The following SPTA1 variants were observed in gnomAD, a reference collection of about 807,000 sequenced individuals.
The protein encoded by SPTA1 is spectrin alpha, erythrocytic 1, also known as spectrin alpha chain, erythrocytic 1.
SPTA1 carries 177 observed loss-of-function variants against 324.7 expected under a neutral mutation model. The observed-to-expected ratio is 0.55, with a 90% CI of 0.48 to 0.62. SPTA1 has a LOEUF of 0.62. Among genes scored for constraint, SPTA1 ranks in the 20% least tolerant of loss-of-function variants. The probability of loss-of-function intolerance (pLI) is 0.00; values close to 1 mark genes in which losing one functional copy is unlikely to be tolerated. For synonymous variants in SPTA1, 1,195 were observed against 1,041.3 expected (o/e 1.15, Z -2.84); for missense variants, 3,162 against 2,883.6 (o/e 1.10, Z -2.21).
In SPTA1 at chr1:158,614,300, G is replaced by C. The variant is rs758023870; in HGVS notation, c.6795C>G (p.Ile2265Met). 1.3e-6 allele frequency: 2 copies of C among 1,571,248 alleles called. No individual in the cohort carries two copies. The highest frequency in any genetic ancestry group is 2.8e-5 in the African/African-American group (2 of 70,618). Residue 2265 changes from isoleucine (I) to methionine (M), a missense_variant, in exon 49 of 52, where the codon ATC becomes ATG. By Grantham distance (10) the Ile-to-Met change is conservative (BLOSUM62 1). Transcript: ENST00000643759. ...NLEQQIQAKD[I>M]KGVSEETLKE... ...TTAGAGTCTCTTCACTCACACCTTT[G>C]ATGTCCCTGAAAGAAAAAAAAAAAA...
chr1:158,650,271 C>T lies in SPTA1; in HGVS notation c.3478-324G>A, dbSNP rs542681944. 4.7e-4 allele frequency among the ~76,000 whole-genome samples: 71 copies of T among 152,246 alleles called. 1 individual carries two copies. The South Asian group carries it at 0.014, about 29-fold the overall frequency. ...TGTTGCCTTGGTAGTTAGAAGTGAT[C>T]ACATTTCTCTAAGACAAACAATTCT... On this transcript the variant is annotated intron_variant, in intron 24 of 51. Coordinates refer to ENST00000643759, the MANE Select transcript of SPTA1 (RefSeq NM_003126.4).
chr1:158,618,009 GCAA>G, intron 46 of SPTA1, 27 bp downstream of exon 46: 1 of 1,601,774 alleles, frequency 6.2e-7, no homozygotes. Context: ...ATATAATAAA[GCAA>G]ACATGATGAT....
intron 36 of SPTA1, among the ~76,000 whole-genome samples, chr1:158,637,793 G>T (rs1022276837): frequency 6.6e-6 from 1 of 152,168 alleles, no homozygotes; most frequent in Non-Finnish European, 1.5e-5. Context: ...TCTTAGTTTT[G>T]TTCCTGTCAT....
chr1:158,638,680 C>T (rs1651284267), intron 35 of SPTA1, among the ~76,000 whole-genome samples: 1 of 138,216 alleles, frequency 7.2e-6, no homozygotes, highest in Non-Finnish European at 1.5e-5. Context: ...GCCGGGCATG[C>T]TGGCGTGTGC....
intron 38 of SPTA1, 31 bp downstream of exon 38, chr1:158,635,882 A>G: frequency 6.2e-7 from 1 of 1,614,068 alleles, no homozygotes. Context: ...AAAATCCAGG[A>G]AGGGAACTGG....
Position 158,652,804 on chromosome 1 carries a change from T to G in SPTA1, c.3189-151A>C, listed in dbSNP as rs2101863380. Reference sequence around the variant, plus strand: ...TAGTAGAAGAGAGGAGGAAATAAACTTAGAAGGAAAACAGCCTTGGGGGCA... The same window carrying G: ...TAGTAGAAGAGAGGAGGAAATAAACGTAGAAGGAAAACAGCCTTGGGGGCA... On this transcript the variant is annotated intron_variant, in intron 22 of 51. Coordinates refer to ENST00000643759, the MANE Select transcript of SPTA1 (RefSeq NM_003126.4). 4 of 944,716 alleles carry G rather than the reference T, an allele frequency of 4.2e-6. No individual in the cohort carries two copies. The South Asian group carries it at 6.4e-5, about 15-fold the overall frequency. 58.5% of individuals were successfully genotyped at this position (944,716 alleles called of 1,614,324 possible).
intron 43 of SPTA1, among the ~76,000 whole-genome samples, chr1:158,621,552 T>G (rs1194270775): frequency 6.6e-6 from 1 of 152,154 alleles, no homozygotes; most frequent in Non-Finnish European, 1.5e-5. Flanking sequence ...TATCTTGTAA[T>G]CAGAAAATAA....
At chr1:158,615,090 G>A in intron 48 of SPTA1, 126 bp downstream of exon 48, 2 of 1,029,218 alleles carry the variant, frequency 1.9e-6, no homozygotes, top group East Asian at 2.4e-5. Context: ...GGGCAGTAAA[G>A]ACCCAGAATA....
intron 51 of SPTA1, 106 bp downstream of exon 51, chr1:158,612,711 A>T: frequency 7.4e-7 from 1 of 1,358,946 alleles, no homozygotes; most frequent in Non-Finnish European, 1.0e-6. Flanking sequence ...AGGTCTGAAA[A>T]AAAAAAACAA....
At chr1:158,637,471 C>CA (rs1026791038) in intron 36 of SPTA1, among the ~76,000 whole-genome samples, 2 of 152,146 alleles carry the variant, frequency 1.3e-5, no homozygotes, top group Middle Eastern at 3.4e-3. Context: ...TATTTTACAA[C>CA]AAAAATGGAA....
At position 158,614,275 on chromosome 1, in the gene SPTA1, T is replaced by C. The variant is rs1271799231; in HGVS notation, c.6820A>G (p.Lys2274Glu). The change falls in exon 49 of 52, where the codon AAG (lysine) becomes GAG (glutamate). Residue 2274 changes from lysine to glutamate, a missense_variant. By Grantham distance (56) the Lys-to-Glu change is moderately conservative. Coordinates refer to ENST00000643759, the MANE Select transcript of SPTA1 (RefSeq NM_003126.4). ...CACTTATAGATTGTGCTAAATTCCTTTAGAGTCTCTTCACTCACACCTTTG... is the reference window on the plus strand; with the variant it reads ...CACTTATAGATTGTGCTAAATTCCTCTAGAGTCTCTTCACTCACACCTTTG... ...DIKGVSEETL[K>E]EFSTIYKHFD... The C allele has an allele frequency of 6.2e-7, 1 of 1,600,666 alleles. No homozygotes were observed. The highest frequency in any genetic ancestry group is 1.3e-5 in the African/African-American group (1 of 74,534).
chr1:158,634,580 AC>A lies in SPTA1; in HGVS notation c.5527del (p.Val1843SerfsTer9). 6 of 1,614,142 alleles carry A rather than the reference AC, an allele frequency of 3.7e-6. No homozygotes were observed. Among genetic ancestry groups the A allele is most frequent in the Non-Finnish European group, 5.1e-6 (6 of 1,180,036 alleles). On this transcript the variant is annotated frameshift_variant, in exon 39 of 52. Transcript: ENST00000643759. LOFTEE classifies it high-confidence loss of function. ...TAATGTATCTCCACAATCTCCTCGG[AC>A]AGCCAAAGCATTCTTTTCATTGATC... ...AWINEKNALA[V>X]RGDCGDTLAA...
At chr1:158,670,683 T>C (rs1452728417) in intron 12 of SPTA1, among the ~76,000 whole-genome samples, 18 of 152,172 alleles carry the variant, frequency 1.2e-4, no homozygotes, top group Admixed American at 1.2e-3. Flanking sequence ...GAGTCCTGCC[T>C]TCACATTCAC....
chr1:158,611,445 C>T, intron 51 of SPTA1, 56 bp from the exon 52 acceptor site: 2 of 1,606,050 alleles, frequency 1.2e-6, no homozygotes, highest in South Asian at 2.2e-5. Flanking sequence ...TAGCTGGTTC[C>T]TTGGGGCTTC....
At chr1:158,674,076 G>A (rs920850038) in intron 10 of SPTA1, among the ~76,000 whole-genome samples, 2 of 152,068 alleles carry the variant, frequency 1.3e-5, no homozygotes, top group South Asian at 2.1e-4. Context: ...TACATGCATC[G>A]TATGCAAATA....
intron 4 of SPTA1, 119 bp downstream of exon 4, chr1:158,681,408 G>T: frequency 6.5e-7 from 1 of 1,539,578 alleles, no homozygotes; most frequent in Non-Finnish European, 9.0e-7. Flanking sequence ...TTGTTCCAAA[G>T]AACAAAGCCA....
rs114764376 is a variant in SPTA1, at chr1:158,625,731, G to T, written c.5910+415C>A. 8.6e-3 allele frequency among the ~76,000 whole-genome samples: 1,300 copies of T among 151,832 alleles called. 16 individuals carry two copies. Among genetic ancestry groups the T allele is most frequent in the African/African-American group, 0.03 (1,239 of 41,520 alleles). ...ATTTGCAAAATGCAGCTAAAGCTTTGCTTTGGGAAAAATTATATATTTAAA... is the reference window on the plus strand; with the variant it reads ...ATTTGCAAAATGCAGCTAAAGCTTTTCTTTGGGAAAAATTATATATTTAAA... On this transcript the variant is annotated intron_variant, in intron 42 of 51. Transcript: ENST00000643759.
At chr1:158,667,735 T>G in intron 15 of SPTA1, 123 bp downstream of exon 15, 1 of 1,020,186 alleles carries the variant, frequency 9.8e-7, no homozygotes, top group Middle Eastern at 2.1e-4. Flanking sequence ...GAAAGACACA[T>G]GGAAGCAAAT....
intron 16 of SPTA1, among the ~76,000 whole-genome samples, chr1:158,663,156 CA>C (rs1653362093): frequency 6.6e-6 from 1 of 152,058 alleles, no homozygotes; most frequent in South Asian, 2.1e-4. Flanking sequence ...AAGTAGTTCT[CA>C]AAACATATTT....
Sources: gnomAD v4.1 joint callset for allele counts (sites outside exome capture counted in the v4.1 genomes callset) on GRCh38, gnomAD v4.1.1 for gene constraint, MANE v1.5 for transcripts, NCBI Gene and HGNC (gene_info 2026-07-23, HGNC 2026-07-21) for gene names.